The following PARP11 variants were observed in gnomAD, a reference collection of about 807,000 sequenced individuals.
PARP11 encodes the protein protein mono-ADP-ribosyltransferase PARP11.
PARP11 carries 31 observed loss-of-function variants against 42.9 expected under a neutral mutation model. The ratio of observed to expected loss-of-function variants is 0.72; its 90% confidence interval spans 0.54 to 0.98. The LOEUF is 0.98. PARP11 is among the 50% of genes least tolerant of loss of function. The pLI, the probability that PARP11 is intolerant of heterozygous loss-of-function variation, is 0.00. For synonymous variants in PARP11, 137 were observed against 127.3 expected (o/e 1.08, Z -0.51); for missense variants, 365 against 413.1 (o/e 0.88, Z 1.01).
In PARP11 at chr12:3,858,503, AT is replaced by A. The variant is rs1948231691; in HGVS notation, c.18+14708del. On this transcript the variant is annotated intron_variant, in intron 1 of 7. Transcript: ENST00000228820. ...TAAGGTAGATGACTCTAAAGGAAACATTTTTAAAAGCCATCCAGCAAAATGC... is the reference window on the plus strand; with the variant it reads ...TAAGGTAGATGACTCTAAAGGAAACATTTTAAAAGCCATCCAGCAAAATGC... 4.0e-5 allele frequency among the ~76,000 whole-genome samples: 6 copies of A among 151,408 alleles called. No homozygotes were observed. The South Asian group carries it at 1.2e-3, about 31-fold the overall frequency.
At chr12:3,866,537 C>A in intron 1 of PARP11, among the ~76,000 whole-genome samples, 1 of 152,140 alleles carries the variant, frequency 6.6e-6, no homozygotes, top group East Asian at 1.9e-4. Context: ...ACTTTATTTT[C>A]TTTAAAGTTA....
Position 3,829,017 on chromosome 12 carries a change from C to T in PARP11, c.161G>A (p.Ser54Asn), listed in dbSNP as rs1188644419. The T allele has an allele frequency of 1.2e-6, 2 of 1,613,856 alleles. No individual in the cohort carries two copies. Among genetic ancestry groups the T allele is most frequent in the South Asian group, 1.1e-5 (1 of 91,080 alleles). Residue 54 changes from serine to asparagine, a missense_variant, in exon 3 of 8, where the codon AGT becomes AAT. By Grantham distance (46) the Ser-to-Asn change is conservative. Coordinates refer to ENST00000228820, the MANE Select transcript of PARP11 (RefSeq NM_020367.6). Reference sequence around the variant, plus strand: ...ATCTTCACTGCTAACTGAACACTGACTGTTGGTATCCGGCTTTAAGACAAA... The same window carrying T: ...ATCTTCACTGCTAACTGAACACTGATTGTTGGTATCCGGCTTTAAGACAAA... Reference protein sequence around the residue: ...KWHMFQPDTNSQCSVSSEDIE... With the variant: ...KWHMFQPDTNNQCSVSSEDIE...
At chr12:3,820,553 G>A (rs1947371753) in intron 6 of PARP11, among the ~76,000 whole-genome samples, 2 of 152,084 alleles carry the variant, frequency 1.3e-5, no homozygotes, top group South Asian at 4.1e-4. Context: ...GGGAGTCACT[G>A]GTACATTTTT....
chr12:3,841,984 G>C, intron 1 of PARP11: 1 of 1,610,850 alleles, frequency 6.2e-7, no homozygotes, highest in Non-Finnish European at 8.5e-7. Flanking sequence ...AGGCCGGACA[G>C]AGCAATCTTC....
At chr12:3,821,787 C>T in intron 6 of PARP11, 86 bp downstream of exon 6, 1 of 1,411,570 alleles carries the variant, frequency 7.1e-7, no homozygotes, top group South Asian at 1.2e-5. Flanking sequence ...GTCTACACCA[C>T]TGAAAATTAA....
Position 3,821,968 on chromosome 12 carries a change from A to C in PARP11, c.453T>G (p.Asn151Lys). 1.9e-6 allele frequency: 3 copies of C among 1,610,618 alleles called. No individual in the cohort carries two copies. The highest frequency in any genetic ancestry group is 2.5e-6 in the Non-Finnish European group (3 of 1,179,000). The change falls in exon 6 of 8, where the codon AAT becomes AAG. Residue 151 changes from asparagine (N) to lysine (K), a missense_variant. Transcript: ENST00000228820. ...TCTTCCCAAAGAGATTAGCAACTTC[A>C]TTATATTCATGTGTTTGATTGTGCA... ...IPLHNQTHEY[N>K]EVANLFGKTM...
intron 7 of PARP11, among the ~76,000 whole-genome samples, chr12:3,813,602 A>AT (rs1947225865): frequency 6.6e-6 from 1 of 152,232 alleles, no homozygotes; most frequent in Non-Finnish European, 1.5e-5. Flanking sequence ...TATTTTTTAA[A>AT]TTAATTTACA....
At chr12:3,833,573 C>T (rs1236634859) in intron 1 of PARP11, among the ~76,000 whole-genome samples, 3 of 152,186 alleles carry the variant, frequency 2.0e-5, no homozygotes, top group Non-Finnish European at 1.5e-5. Context: ...CACTGCACTC[C>T]AGCTTGACAC....
chr12:3,813,263 T>C (rs11062842), intron 7 of PARP11, among the ~76,000 whole-genome samples: 9,052 of 152,296 alleles, frequency 0.059, 344 homozygotes, highest in East Asian at 0.18. Flanking sequence ...ATTTCTATGA[T>C]ATGGGATAAC....
At chr12:3,841,842 G>A in intron 1 of PARP11, 1 of 1,608,616 alleles carries the variant, frequency 6.2e-7, no homozygotes, top group Non-Finnish European at 8.5e-7. Context: ...AAGGAGAATT[G>A]GATCTGTCTC....
rs1233760902 is a variant in PARP11 at position 3,814,953 on chromosome 12, A to G, written c.549-765T>C. The G allele has an allele frequency of 6.7e-6, 3 of 450,308 alleles. No individual in the cohort carries two copies. The East Asian group carries it at 2.1e-4, about 31-fold the overall frequency. 27.9% of individuals were successfully genotyped at this position (450,308 alleles called of 1,614,324 possible). A position where few individuals can be genotyped will look rare whatever the true frequency, so the allele number is the denominator to read the frequency against. On this transcript the variant is annotated intron_variant, in intron 6 of 7. Transcript: ENST00000228820. ...GTGTATTATGTAGGTATACATACAC[A>G]GGTAGTAAAAAATACAAAATACAAA...
At position 3,842,754 on chromosome 12, in the gene PARP11, C is replaced by T. The variant is rs1051928653; in HGVS notation, c.19-12736G>A. On this transcript the variant is annotated intron_variant, in intron 1 of 7. Coordinates refer to ENST00000228820, the MANE Select transcript of PARP11 (RefSeq NM_020367.6). ...TGTTTATCTATCAAGTGACTGTCCTCGTAAAAAGCAGATGTTTGTTAAAGT... is the reference window on the plus strand; with the variant it reads ...TGTTTATCTATCAAGTGACTGTCCTTGTAAAAAGCAGATGTTTGTTAAAGT... Among the ~76,000 whole-genome samples, 59 of 152,210 alleles carry T rather than the reference C, an allele frequency of 3.9e-4. 1 individual carries two copies. The highest frequency in any genetic ancestry group is 7.9e-4 in the Non-Finnish European group (54 of 68,018).
At chr12:3,835,559 T>C (rs7309900) in intron 1 of PARP11, among the ~76,000 whole-genome samples, 26,078 of 152,132 alleles carry the variant, frequency 0.17, 2,876 homozygotes, top group East Asian at 0.5. Flanking sequence ...GCACAGGTGG[T>C]AGACTGGGCA....
chr12:3,833,823 G>C (rs1222392201), intron 1 of PARP11, among the ~76,000 whole-genome samples: 1 of 152,008 alleles, frequency 6.6e-6, no homozygotes, highest in Non-Finnish European at 1.5e-5. Context: ...CTCTACCTGC[G>C]GTATATGTAC....
At chr12:3,859,295 T>C (rs1948253417) in intron 1 of PARP11, among the ~76,000 whole-genome samples, 1 of 152,200 alleles carries the variant, frequency 6.6e-6, no homozygotes, top group African/African-American at 2.4e-5. Flanking sequence ...GCCGGTGCAG[T>C]GGCTCACGTC....
Position 3,840,663 on chromosome 12 carries a change from A to G in PARP11, c.19-10645T>C, listed in dbSNP as rs939922276. 4.2e-6 allele frequency: 5 copies of G among 1,198,210 alleles called. No homozygotes were observed. The highest frequency in any genetic ancestry group is 6.2e-6 in the Non-Finnish European group (5 of 800,112). The allele number at this position is 1,198,210 out of a possible 1,614,324, so 74.2% of individuals were successfully genotyped here. On this transcript the variant is annotated intron_variant, in intron 1 of 7. Transcript: ENST00000228820. The surrounding 1 kb of genome is among the most constrained non-coding windows in gnomAD (Gnocchi z 4.4). ...CCATGTGTCCAGAGAAAATCATCAC[A>G]CGTAAGTGATAGAAAAGGAAGCAGG...
At chr12:3,813,928 C>G in intron 7 of PARP11, 109 bp downstream of exon 7, 2 of 702,616 alleles carry the variant, frequency 2.8e-6, no homozygotes, top group Non-Finnish European at 4.4e-6. Context: ...TTTGTTTTAT[C>G]ATTCTCTATA....
intron 6 of PARP11, among the ~76,000 whole-genome samples, chr12:3,819,459 T>C (rs73251457): frequency 0.012 from 1,848 of 152,300 alleles, 43 homozygotes; most frequent in African/African-American, 0.042. Flanking sequence ...GCATCCTGGC[T>C]TCTATCCAGT....
intron 6 of PARP11, among the ~76,000 whole-genome samples, chr12:3,816,070 G>C (rs540094938): frequency 6.6e-6 from 1 of 152,148 alleles, no homozygotes; most frequent in Admixed American, 6.5e-5. Flanking sequence ...CGTGCATTTA[G>C]CAAATGTTTA....
Sources: allele counts gnomAD v4.1 joint callset (sites outside exome capture counted in the v4.1 genomes callset), GRCh38; gene constraint gnomAD v4.1.1; non-coding constraint Gnocchi (gnomAD v3.1); transcripts MANE v1.5; gene names NCBI Gene and HGNC (gene_info 2026-07-23, HGNC 2026-07-21).